LRCH1: variants seen among roughly 807,000 people sequenced by gnomAD.
LRCH1 encodes the protein leucine rich repeats and calponin homology domain containing 1, also known as leucine-rich repeat and calponin homology domain-containing protein 1.
In LRCH1, 23 loss-of-function variants were observed where a neutral mutation model predicts 94.9. The observed-to-expected ratio is 0.24, with a 90% CI of 0.17 to 0.34. LRCH1 has a LOEUF of 0.34. Ranked by LOEUF, LRCH1 falls within the 10% of genes least tolerant of loss-of-function variation. The pLI, the probability that LRCH1 is intolerant of heterozygous loss-of-function variation, is 1.00. For synonymous variants in LRCH1, 364 were observed against 354.9 expected, an observed-to-expected ratio of 1.03 and a Z score of -0.29; for missense variants, 790 against 945.9, an observed-to-expected ratio of 0.84 and a Z score of 2.16.
chr13:46,660,681 T>C (rs2051436786), intron 2 of LRCH1, among the ~76,000 whole-genome samples: 1 of 152,198 alleles, frequency 6.6e-6, no homozygotes, highest in Non-Finnish European at 1.5e-5. Context: ...TCCTTTTTCT[T>C]CTCTATTACC....
intron 2 of LRCH1, among the ~76,000 whole-genome samples, chr13:46,653,692 G>A (rs1288046042): frequency 4.6e-5 from 7 of 152,072 alleles, no homozygotes; most frequent in Middle Eastern, 3.4e-3. Flanking sequence ...GTAGCCGGGC[G>A]TGGTGGCGTG....
chr13:46,643,833 C>T (rs894158869), intron 1 of LRCH1, among the ~76,000 whole-genome samples: 1 of 152,292 alleles, frequency 6.6e-6, no homozygotes, highest in East Asian at 1.9e-4. Context: ...ATCAGCAATT[C>T]GAGCCAAGCT....
At chr13:46,622,336 C>T (rs569892857) in intron 1 of LRCH1, among the ~76,000 whole-genome samples, 13 of 152,226 alleles carry the variant, frequency 8.5e-5, no homozygotes, top group South Asian at 6.2e-4. Flanking sequence ...CACAATCTAT[C>T]GTTGTTCAGT....
At chr13:46,620,167 T>C (rs1387266937) in intron 1 of LRCH1, among the ~76,000 whole-genome samples, 1 of 152,166 alleles carries the variant, frequency 6.6e-6, no homozygotes, top group African/African-American at 2.4e-5. Context: ...CCCAGTGGCC[T>C]ATCCCCAGGC....
intron 18 of LRCH1, among the ~76,000 whole-genome samples, 155 bp from the exon 19 acceptor site, chr13:46,733,766 G>A (rs1873229455): frequency 6.6e-6 from 1 of 151,972 alleles, no homozygotes; most frequent in Non-Finnish European, 1.5e-5. Context: ...GTTTCTGAGT[G>A]ATATTTTGTT....
At chr13:46,677,075 C>T (rs1012765673) in intron 3 of LRCH1, among the ~76,000 whole-genome samples, 10 of 151,996 alleles carry the variant, frequency 6.6e-5, no homozygotes, top group East Asian at 3.9e-4. Flanking sequence ...ACATCGTGCC[C>T]GGCCTATGTT....
chr13:46,702,585 C>G (rs901554631), intron 11 of LRCH1, among the ~76,000 whole-genome samples: 1 of 152,100 alleles, frequency 6.6e-6, no homozygotes, highest in Non-Finnish European at 1.5e-5. Context: ...AGGATAGACT[C>G]GAGCAAGTGC....
At position 46,553,395 on chromosome 13, in the gene LRCH1, A is replaced by G. The variant is rs1352147124; in HGVS notation, c.-2A>G. The G allele has an allele frequency of 6.5e-7, 1 of 1,532,906 alleles. No individual in the cohort carries two copies. The highest frequency in any genetic ancestry group is 2.0e-5 in the Admixed American group (1 of 50,242). 95.0% of individuals were successfully genotyped at this position (1,532,906 alleles called of 1,614,324 possible). A position where few individuals can be genotyped will look rare whatever the true frequency, so the allele number is the denominator to read the frequency against. ...GGGCGGGGTGGGGGGGCCCGGGAGAAGATGGCGACGCCGGGAAGCGAACCC... is the reference window on the plus strand; with the variant it reads ...GGGCGGGGTGGGGGGGCCCGGGAGAGGATGGCGACGCCGGGAAGCGAACCC... On this transcript the variant is annotated 5_prime_UTR_variant, in exon 1 of 20. Transcript: ENST00000389797.
At chr13:46,736,920 A>G (rs1009906605) in intron 19 of LRCH1, among the ~76,000 whole-genome samples, 5 of 152,242 alleles carry the variant, frequency 3.3e-5, no homozygotes, top group Non-Finnish European at 5.9e-5. Flanking sequence ...ACTATAAACC[A>G]TAGTCAGGGT....
intron 1 of LRCH1, among the ~76,000 whole-genome samples, chr13:46,612,352 G>A (rs2050756977): frequency 6.6e-6 from 1 of 152,126 alleles, no homozygotes; most frequent in South Asian, 2.1e-4. Flanking sequence ...CGGTTATGAA[G>A]GTATGAACAT....
chr13:46,715,503 G>A, intron 15 of LRCH1, 57 bp from the exon 16 acceptor site: 1 of 923,044 alleles, frequency 1.1e-6, no homozygotes, highest in South Asian at 1.4e-5. Context: ...CTGCCCCTTT[G>A]GTTTTTCCTG....
At chr13:46,594,411 G>A (rs1337765440) in intron 1 of LRCH1, among the ~76,000 whole-genome samples, 1 of 152,098 alleles carries the variant, frequency 6.6e-6, no homozygotes, top group Non-Finnish European at 1.5e-5. Flanking sequence ...TTTCTGCTAA[G>A]GGCTATTGAC....
At chr13:46,635,204 A>G (rs1594303088) in intron 1 of LRCH1, among the ~76,000 whole-genome samples, 1 of 152,114 alleles carries the variant, frequency 6.6e-6, no homozygotes, top group African/African-American at 2.4e-5. Context: ...CAGCACTCAC[A>G]CCGCCGTGCT....
intron 1 of LRCH1, among the ~76,000 whole-genome samples, chr13:46,582,653 T>TTTTTTTTTTTTTTTTTTTTTTTTA (rs1566156697): frequency 1.1e-5 from 1 of 94,616 alleles, no homozygotes; most frequent in Non-Finnish European, 2.2e-5. Flanking sequence ...CCCAGCTTTT[T>TTTTTTTTTTTTTTTTTTTTTTTTA]TTTTTTTTTT....
At chr13:46,623,066 T>C (rs1055864209) in intron 1 of LRCH1, among the ~76,000 whole-genome samples, 2 of 152,184 alleles carry the variant, frequency 1.3e-5, no homozygotes, top group African/African-American at 4.8e-5. Context: ...AAGATGCCAG[T>C]CTGTCATTTG....
In LRCH1 at chr13:46,744,296, T is replaced by G; in HGVS notation, c.*2448T>G. 1.1e-6 allele frequency: 1 copy of G among 949,556 alleles called. No homozygotes were observed. The highest frequency in any genetic ancestry group is 5.3e-4 in the Middle Eastern group (1 of 1,898). 58.8% of individuals were successfully genotyped at this position (949,556 alleles called of 1,614,324 possible). A position where few individuals can be genotyped will look rare whatever the true frequency, so the allele number is the denominator to read the frequency against. ...AATCTCCTCCTCACAAGAAAGACCG[T>G]TTTTTCAGTACTCCCTTCCAATGTT... On this transcript the variant is annotated 3_prime_UTR_variant, in exon 20 of 20. Coordinates refer to ENST00000389797, the MANE Select transcript of LRCH1 (RefSeq NM_001164211.2).
downstream of LRCH1, among the ~76,000 whole-genome samples, chr13:46,745,333 A>G (rs1873866237): frequency 6.6e-6 from 1 of 151,970 alleles, no homozygotes; most frequent in Non-Finnish European, 1.5e-5. Flanking sequence ...AGACAAGTAA[A>G]GAGGAATTCA....
intron 19 of LRCH1, among the ~76,000 whole-genome samples, chr13:46,735,358 T>G (rs1873319273): frequency 6.6e-6 from 1 of 152,244 alleles, no homozygotes; most frequent in Non-Finnish European, 1.5e-5. Flanking sequence ...AAAACTCTCA[T>G]GGCAAGCTTC....
At chr13:46,578,589 G>A (rs759611808) in intron 1 of LRCH1, among the ~76,000 whole-genome samples, 8 of 152,136 alleles carry the variant, frequency 5.3e-5, no homozygotes, top group Non-Finnish European at 8.8e-5. Flanking sequence ...TTCTCCTTAA[G>A]AATAACCTAT....
Sources: allele counts gnomAD v4.1 joint callset (sites outside exome capture counted in the v4.1 genomes callset), GRCh38; gene constraint gnomAD v4.1.1; transcripts MANE v1.5; gene names NCBI Gene and HGNC (gene_info 2026-07-23, HGNC 2026-07-21).